Variants in SPTSSB observed in about 807,000 individuals in gnomAD.
SPTSSB encodes the protein androgen down regulated in mouse prostate.
Under a neutral mutation model 7.7 loss-of-function variants are expected in SPTSSB, and 6 were observed. That is an observed-to-expected ratio of 0.78 (90% confidence interval 0.43 to 1.54). The LOEUF (loss-of-function observed/expected upper bound fraction) is 1.54, where lower values mean the gene tolerates loss of function less well. SPTSSB is among the 40% of genes most tolerant of loss of function. SPTSSB has a pLI of 0.01. For synonymous variants in SPTSSB, 28 were observed against 29.7 expected (o/e 0.94, Z 0.19); for missense variants, 91 against 93.0 (o/e 0.98, Z 0.09).
intron 1 of SPTSSB, among the ~76,000 whole-genome samples, chr3:161,361,795 G>A (rs336590): frequency 0.65 from 98,310 of 151,934 alleles, 33,897 homozygotes; most frequent in East Asian, 0.97. Context: ...TCAGGGACAT[G>A]TGATATAAGT....
At position 161,346,108 on chromosome 3, in the gene SPTSSB, A is replaced by G. The variant is rs766927169; in HGVS notation, c.216T>C (p.Ser72=). The G allele has an allele frequency of 6.4e-7, 1 of 1,554,724 alleles. No homozygotes were observed. Among genetic ancestry groups the G allele is most frequent in the Non-Finnish European group, 8.9e-7 (1 of 1,125,738 alleles). Residue 72 remains serine (S), a synonymous_variant, in exon 3 of 3, where the codon AGT becomes AGC. Coordinates refer to ENST00000620149, the MANE Select transcript of SPTSSB (RefSeq NM_001040100.2). Reference sequence around the variant, plus strand: ...GTGAACAGGATCAATTAGAAATTGTACTGTGATATCCACATATTTTTGAGA... The same window carrying G: ...GTGAACAGGATCAATTAGAAATTGTGCTGTGATATCCACATATTTTTGAGA... ...EFFSKICGYH[S]TISN
chr3:161,357,069 T>C (rs1462177378), intron 2 of SPTSSB, among the ~76,000 whole-genome samples: 1 of 152,120 alleles, frequency 6.6e-6, no homozygotes, highest in Non-Finnish European at 1.5e-5. Flanking sequence ...ATAGCGTTGA[T>C]AAGGTGCTCT....
Position 161,346,140 on chromosome 3 carries a change from C to T in SPTSSB, c.184G>A (p.Glu62Lys). 1 of 1,611,060 alleles carries T rather than the reference C, an allele frequency of 6.2e-7. No homozygotes were observed. The highest frequency in any genetic ancestry group is 1.1e-5 in the South Asian group (1 of 90,998). ...TATCCACATATTTTTGAGAAAAATT[C>T]CCAAGCCAGGCGAATGTGGATTGGA... ...FIPIHIRLAWEFFSKICGYHS... is the reference protein window; with the variant it reads ...FIPIHIRLAWKFFSKICGYHS... Residue 62 changes from glutamate (E) to lysine (K), a missense_variant, in exon 3 of 3, where the codon GAA becomes AAA. Coordinates refer to ENST00000620149, the MANE Select transcript of SPTSSB (RefSeq NM_001040100.2).
chr3:161,371,325 TG>T (rs1715500137), intron 1 of SPTSSB, 109 bp downstream of exon 1: 23 of 717,508 alleles, frequency 3.2e-5, no homozygotes, highest in Non-Finnish European at 3.9e-5. Flanking sequence ...AATAATAAAC[TG>T]ATAAATTGCA....
rs1195831527 is a variant in SPTSSB, at chr3:161,369,320, CTT to C, written c.-126+2113_-126+2114del. On this transcript the variant is annotated intron_variant, in intron 1 of 2. Coordinates refer to ENST00000620149, the MANE Select transcript of SPTSSB (RefSeq NM_001040100.2). ...TTTCTTTCTTTCTTTCTTTCTCTTTCTTTCTTTCTTTCTTTCTTTCTTTCTTT... is the reference window on the plus strand; with the variant it reads ...TTTCTTTCTTTCTTTCTTTCTCTTTCTCTTTCTTTCTTTCTTTCTTTCTTT... Among the ~76,000 whole-genome samples, 355 of 61,632 alleles carry C rather than the reference CTT, an allele frequency of 5.8e-3. 5 individuals carry two copies. Among genetic ancestry groups the C allele is most frequent in the Middle Eastern group, 8.8e-3 (1 of 114 alleles). The allele number at this position is 61,632 out of a possible 152,430, so 40.4% of individuals were successfully genotyped here.
rs185602114 is a variant in SPTSSB, at chr3:161,370,151, C to T, written c.-126+1284G>A. On this transcript the variant is annotated intron_variant, in intron 1 of 2. Transcript: ENST00000620149. ...AATTAGCATAGTAGAGATAGAATTG[C>T]TGTACAATTATAAAGGGCAGTTTTT... 1.1e-3 allele frequency among the ~76,000 whole-genome samples: 170 copies of T among 152,174 alleles called. 1 individual carries two copies. The Middle Eastern group carries it at 0.024, about 21-fold the overall frequency.
intron 1 of SPTSSB, among the ~76,000 whole-genome samples, chr3:161,370,827 C>T (rs1387997282): frequency 6.6e-6 from 1 of 152,216 alleles, no homozygotes; most frequent in African/African-American, 2.4e-5. Flanking sequence ...CCTTCTTCAT[C>T]CCCATGGCAA....
chr3:161,355,509 A>G (rs566800835), intron 2 of SPTSSB, among the ~76,000 whole-genome samples: 2 of 152,352 alleles, frequency 1.3e-5, no homozygotes, highest in African/African-American at 4.8e-5. Context: ...ACAATGGAAT[A>G]TTATTCAGCT....
At chr3:161,360,180 G>A (rs1463870034) in intron 1 of SPTSSB, among the ~76,000 whole-genome samples, 1 of 152,170 alleles carries the variant, frequency 6.6e-6, no homozygotes, top group Admixed American at 6.5e-5. Flanking sequence ...ACAAAGGGAG[G>A]GGCTAAGAAC....
chr3:161,355,318 A>G (rs569276285), intron 2 of SPTSSB, among the ~76,000 whole-genome samples: 1 of 152,330 alleles, frequency 6.6e-6, no homozygotes, highest in East Asian at 1.9e-4. Flanking sequence ...GGTTGTTTTT[A>G]GAAGCAAAAA....
At chr3:161,360,982 G>T (rs900275504) in intron 1 of SPTSSB, among the ~76,000 whole-genome samples, 2 of 152,076 alleles carry the variant, frequency 1.3e-5, no homozygotes, top group African/African-American at 4.8e-5. Flanking sequence ...AGAAAAAGGG[G>T]ATATGGCTTC....
At chr3:161,351,353 G>A (rs9835530) in intron 2 of SPTSSB, among the ~76,000 whole-genome samples, 7,762 of 152,148 alleles carry the variant, frequency 0.051, 518 homozygotes, top group African/African-American at 0.14. Context: ...CAATGAAGCC[G>A]ATCCAAAAGA....
In SPTSSB at chr3:161,346,066, A is replaced by G. The variant is rs1383947980; in HGVS notation, c.*27T>C. ...GCTGTAAGCAACATATAAATATGCAATGCCATTTCACTGAATGTGAACAGG... is the reference window on the plus strand; with the variant it reads ...GCTGTAAGCAACATATAAATATGCAGTGCCATTTCACTGAATGTGAACAGG... On this transcript the variant is annotated 3_prime_UTR_variant, in exon 3 of 3. Coordinates refer to ENST00000620149, the MANE Select transcript of SPTSSB (RefSeq NM_001040100.2). 3 of 1,153,790 alleles carry G rather than the reference A, an allele frequency of 2.6e-6. No homozygotes were observed. Among genetic ancestry groups the G allele is most frequent in the Non-Finnish European group, 2.6e-6 (2 of 762,802 alleles). The allele number at this position is 1,153,790 out of a possible 1,614,324, so 71.5% of individuals were successfully genotyped here. A position where few individuals can be genotyped will look rare whatever the true frequency, so the allele number is the denominator to read the frequency against.
At chr3:161,346,424 T>G in intron 2 of SPTSSB, 69 bp from the exon 3 acceptor site, 2 of 727,304 alleles carry the variant, frequency 2.7e-6, no homozygotes, top group Non-Finnish European at 4.7e-6. Context: ...TTTCATGATC[T>G]CAGCATGTTA....
At chr3:161,351,424 G>T (rs761928038) in intron 2 of SPTSSB, among the ~76,000 whole-genome samples, 1 of 152,142 alleles carries the variant, frequency 6.6e-6, no homozygotes, top group Non-Finnish European at 1.5e-5. Flanking sequence ...AAACTCCAGT[G>T]AACTTTGCTG....
chr3:161,347,280 G>A (rs1714292490), intron 2 of SPTSSB, among the ~76,000 whole-genome samples: 1 of 151,744 alleles, frequency 6.6e-6, no homozygotes, highest in Non-Finnish European at 1.5e-5. Context: ...TTGTTTTTGA[G>A]AGAGTCTCAC....
intron 2 of SPTSSB, among the ~76,000 whole-genome samples, chr3:161,350,869 T>C (rs1299827133): frequency 6.6e-6 from 1 of 152,164 alleles, no homozygotes; most frequent in Non-Finnish European, 1.5e-5. Context: ...ATAACAATCA[T>C]GATATGAATA....
intron 2 of SPTSSB, chr3:161,359,551 G>T: frequency 4.0e-6 from 1 of 250,770 alleles, no homozygotes; most frequent in Non-Finnish European, 6.3e-6. Flanking sequence ...GGCAAATTTT[G>T]CATAAACATT....
chr3:161,351,553 T>C lies in SPTSSB; in HGVS notation c.-32-5198A>G, dbSNP rs6797476. On this transcript the variant is annotated intron_variant, in intron 2 of 2. Transcript: ENST00000620149. The stretch of plus-strand genomic sequence containing the variant: ...AAACACAATAAAGAGGAAAAATACA[T>C]CTTACATTGTGATCCATGGTGTATA... Among the ~76,000 whole-genome samples the C allele has an allele frequency of 7.9e-3, 1,202 of 152,160 alleles. 14 individuals are homozygous for C. Among genetic ancestry groups the C allele is most frequent in the African/African-American group, 0.027 (1,136 of 41,522 alleles).
Sources: allele counts gnomAD v4.1 joint callset (sites outside exome capture counted in the v4.1 genomes callset), GRCh38; gene constraint gnomAD v4.1.1; transcripts MANE v1.5; gene names NCBI Gene and HGNC (gene_info 2026-07-23, HGNC 2026-07-21).